The following ZFX variants were observed in gnomAD, a reference collection of about 807,000 sequenced individuals.
ZFX encodes zinc finger protein X-linked.
For missense variants in ZFX, 362 were observed against 628.3 expected (o/e 0.58, Z 4.53); for synonymous variants, 196 against 226.8 (o/e 0.86, Z 1.22).
At chrX:24,172,861 T>C (rs1053702397) in intron 4 of ZFX, 61 bp downstream of exon 4, 164 of 1,066,517 alleles carry the variant, frequency 1.5e-4, no homozygotes, top group Middle Eastern at 5.1e-4. Context: ...TTGTCATCAA[T>C]GAATTGCTAG....
intron 4 of ZFX, 77 bp downstream of exon 4, chrX:24,172,877 T>C: frequency 1.0e-6 from 1 of 974,524 alleles, no homozygotes; most frequent in East Asian, 3.2e-5. Context: ...GCTAGAACTC[T>C]CACATTGATC....
At chrX:24,200,637 C>T (rs1165854253) in intron 5 of ZFX, among the ~76,000 whole-genome samples, 3 of 112,264 alleles carry the variant, frequency 2.7e-5, no homozygotes, top group Non-Finnish European at 5.6e-5. Flanking sequence ...TTGTAGTATG[C>T]GTGGAGAAAT....
rs958193732 is a variant in ZFX, at chrX:24,207,909, G to C, written c.940+54G>C. 5.2e-6 allele frequency: 6 copies of C among 1,155,771 alleles called. No individual in the cohort carries two copies. The African/African-American group carries it at 1.1e-4, about 21-fold the overall frequency. Reference sequence around the variant, plus strand: ...AATTTTATGTTTCTGGAGCTTTTAAGTGGCCAGTGTTTGAAATAAGTAGCA... The same window carrying C: ...AATTTTATGTTTCTGGAGCTTTTAACTGGCCAGTGTTTGAAATAAGTAGCA... On this transcript the variant is annotated intron_variant, in intron 7 of 9. Coordinates refer to ENST00000304543, the MANE Select transcript of ZFX (RefSeq NM_003410.4).
At chrX:24,163,364 G>GTTTTTTTTTTTTTTTT (rs66467960) in intron 3 of ZFX, among the ~76,000 whole-genome samples, 1 of 19,061 alleles carries the variant, frequency 5.2e-5, no homozygotes. Context: ...TTTTTGTTAG[G>GTTTTTTTTTTTTTTTT]TTTTTTTTTT....
intron 5 of ZFX, among the ~76,000 whole-genome samples, chrX:24,194,281 C>A (rs1050951168): frequency 1.8e-5 from 2 of 111,609 alleles, no homozygotes; most frequent in African/African-American, 3.3e-5. Flanking sequence ...CCTTCTCCCC[C>A]CCACCAAAGC....
Position 24,210,589 on chromosome X carries a change from A to G in ZFX, c.1631A>G (p.Lys544Arg). ...CGCCACCTCTTGGCAGTCCACAGCA[A>G]GAACTTTCCTCATATTTGTGTGGAG... ...LNRHLLAVHS[K>R]NFPHICVECG... is the part of the protein sequence containing the mutation. Residue 544 changes from lysine to arginine, a missense_variant, in exon 10 of 10, where the codon AAG (lysine) becomes AGG (arginine). By Grantham distance (26) the Lys-to-Arg change is conservative. Transcript: ENST00000304543. 2.5e-6 allele frequency: 3 copies of G among 1,212,175 alleles called. No individual in the cohort carries two copies. Among genetic ancestry groups the G allele is most frequent in the Non-Finnish European group, 3.3e-6 (3 of 895,645 alleles).
intron 5 of ZFX, among the ~76,000 whole-genome samples, chrX:24,187,395 G>C (rs1936208516): frequency 9.0e-6 from 1 of 111,675 alleles, no homozygotes. Context: ...TAGAGTTCAT[G>C]ATAAATAGTG....
Position 24,208,288 on chromosome X carries a change from G to A in ZFX, c.1011G>A (p.Ala337=), listed in dbSNP as rs142016517. 6.4e-5 allele frequency: 77 copies of A among 1,208,508 alleles called. No individual in the cohort carries two copies. The East Asian group carries it at 8.6e-4, about 13-fold the overall frequency. The change falls in exon 8 of 10, where the codon GCG becomes GCA. Residue 337 remains alanine (A), a synonymous_variant. Coordinates refer to ENST00000304543, the MANE Select transcript of ZFX (RefSeq NM_003410.4). ...IVGEEDAAAA[A]AAAAVHEQQM... ...GAGAGGAGGATGCTGCAGCAGCAGCGGCAGCCGCCGCCGTGCACGAGCAGC... is the reference window on the plus strand; with the variant it reads ...GAGAGGAGGATGCTGCAGCAGCAGCAGCAGCCGCCGCCGTGCACGAGCAGC...
Position 24,212,404 on chromosome X carries a change from CAG to C in ZFX, c.*1034_*1035del, listed in dbSNP as rs1016095613. ...AGAGCATTTTGTAAGTCATGCTCTT[CAG>C]AGAGACTACTCAGGTGAAGAATTAG... On this transcript the variant is annotated 3_prime_UTR_variant, in exon 10 of 10. Coordinates refer to ENST00000304543, the MANE Select transcript of ZFX (RefSeq NM_003410.4). 3.6e-5 allele frequency: 4 copies of C among 112,046 alleles called. No individual in the cohort carries two copies. The highest frequency in any genetic ancestry group is 7.5e-4 in the South Asian group (2 of 2,665). The allele number at this position is 112,046 out of a possible 1,213,427, so 9.2% of individuals were successfully genotyped here.
At position 24,189,510 on chromosome X, in the gene ZFX, G is replaced by A. The variant is rs756979400; in HGVS notation, c.646+9740G>A. Among the ~76,000 whole-genome samples, 5 of 111,879 alleles carry A rather than the reference G, an allele frequency of 4.5e-5. No individual in the cohort carries two copies. The East Asian group carries it at 1.4e-3, about 31-fold the overall frequency. ...TCCAATAAAACGTGGTTCAGGGAGC[G>A]AATAAATACATAAAGTCCAAACCCC... On this transcript the variant is annotated intron_variant, in intron 5 of 9. Transcript: ENST00000304543.
intron 4 of ZFX, among the ~76,000 whole-genome samples, chrX:24,174,417 C>T (rs1191076636): frequency 6.4e-5 from 6 of 94,464 alleles, no homozygotes; most frequent in African/African-American, 7.8e-5. Context: ...TTTTTTGAGA[C>T]GGAGTCTTAC....
intron 3 of ZFX, among the ~76,000 whole-genome samples, chrX:24,157,732 G>A (rs955978269): frequency 8.9e-6 from 1 of 111,839 alleles, no homozygotes; most frequent in Non-Finnish European, 1.9e-5. Context: ...GCAATCCATA[G>A]TAGGACCTTG....
At position 24,192,336 on chromosome X, in the gene ZFX, G is replaced by A. The variant is rs1936586680; in HGVS notation, c.646+12566G>A. 3.6e-5 allele frequency among the ~76,000 whole-genome samples: 4 copies of A among 111,654 alleles called. No homozygotes were observed. The Admixed American group carries it at 3.8e-4, about 11-fold the overall frequency. On this transcript the variant is annotated intron_variant, in intron 5 of 9. Transcript: ENST00000304543. The stretch of plus-strand genomic sequence containing the variant: ...CTGCCCCTTGAGGTAACTTACTTAG[G>A]AAGTAAAATCATCTTTATTTTTCTC...
In ZFX at chrX:24,210,701, C is replaced by T. The variant is rs143557208; in HGVS notation, c.1743C>T (p.Cys581=). The change falls in exon 10 of 10, where the codon TGC becomes TGT. Residue 581 remains cysteine, a synonymous_variant. Transcript: ENST00000304543. ...AGAAGCCGTACCAATGCCAGTACTG[C>T]GAATATAGGTCTGCAGACTCTTCTA... ...TGEKPYQCQY[C]EYRSADSSNL... 7.7e-5 allele frequency: 93 copies of T among 1,209,451 alleles called. No homozygotes were observed. Among genetic ancestry groups the T allele is most frequent in the Non-Finnish European group, 9.4e-5 (84 of 895,134 alleles).
Position 24,186,960 on chromosome X carries a change from G to A in ZFX, c.646+7190G>A, listed in dbSNP as rs192925574. 4.7e-3 allele frequency among the ~76,000 whole-genome samples: 530 copies of A among 112,115 alleles called. 11 individuals carry two copies. The highest frequency in any genetic ancestry group is 9.3e-3 in the South Asian group (25 of 2,686). On this transcript the variant is annotated intron_variant, in intron 5 of 9. Coordinates refer to ENST00000304543, the MANE Select transcript of ZFX (RefSeq NM_003410.4). ...ATATGAATGTTATAGCTGAAAGTCC[G>A]TGTACATCATGCCTCATCCAAGGCA...
intron 3 of ZFX, among the ~76,000 whole-genome samples, chrX:24,158,047 C>A (rs777270869): frequency 2.7e-5 from 3 of 111,727 alleles, no homozygotes; most frequent in Non-Finnish European, 5.6e-5. Context: ...GCATGAGCCA[C>A]TGTGCCCGGC....
chrX:24,205,135 C>T (rs1191876011), intron 5 of ZFX, among the ~76,000 whole-genome samples: 1 of 112,117 alleles, frequency 8.9e-6, no homozygotes, highest in African/African-American at 3.2e-5. Flanking sequence ...AATGAAAAGG[C>T]TTGTTGTTGC....
intron 4 of ZFX, chrX:24,173,491 T>C: frequency 2.0e-6 from 2 of 1,004,530 alleles, no homozygotes; most frequent in Non-Finnish European, 2.6e-6. Flanking sequence ...CTCAGGAAGT[T>C]CTAAAAATAG....
rs948499349 is a variant in ZFX at position 24,214,150 on chromosome X, A to G, written c.*2774A>G. ...CAACCTAGTTTTAATTCTTAAAACA[A>G]TTTTGATTAGCAAAGCTAAAAAAAA... On this transcript the variant is annotated 3_prime_UTR_variant, in exon 10 of 10. Transcript: ENST00000304543. The G allele has an allele frequency of 2.5e-4, 28 of 112,074 alleles. No homozygotes were observed. The highest frequency in any genetic ancestry group is 8.8e-4 in the African/African-American group (27 of 30,802). The allele number at this position is 112,074 out of a possible 1,213,427, so 9.2% of individuals were successfully genotyped here.
Sources: gnomAD v4.1 joint callset for allele counts (sites outside exome capture counted in the v4.1 genomes callset) on GRCh38, gnomAD v4.1.1 for gene constraint, MANE v1.5 for transcripts, NCBI Gene and HGNC (gene_info 2026-07-23, HGNC 2026-07-21) for gene names.